GALNT2: variants seen among roughly 807,000 people sequenced by gnomAD.
The protein encoded by GALNT2 is polypeptide N-acetylgalactosaminyltransferase 2.
GALNT2 carries 31 observed loss-of-function variants against 81.4 expected under a neutral mutation model. The observed-to-expected ratio is 0.38, with a 90% CI of 0.29 to 0.51. GALNT2 has a LOEUF of 0.51. Among genes scored for constraint, GALNT2 ranks in the 20% least tolerant of loss-of-function variants. The probability of loss-of-function intolerance (pLI) is 0.87; values close to 1 mark genes in which losing one functional copy is unlikely to be tolerated. For synonymous variants in GALNT2, 303 were observed against 287.4 expected (o/e 1.05, Z -0.55); for missense variants, 629 against 765.7 (o/e 0.82, Z 2.11).
chr1:230,198,780 A>G (rs1285696142), intron 2 of GALNT2, among the ~76,000 whole-genome samples: 1 of 152,196 alleles, frequency 6.6e-6, no homozygotes, highest in Non-Finnish European at 1.5e-5. Flanking sequence ...CTTTGGTTTC[A>G]AAGACCACAT....
intron 2 of GALNT2, among the ~76,000 whole-genome samples, chr1:230,194,711 G>A (rs1386764407): frequency 6.6e-6 from 1 of 152,224 alleles, no homozygotes; most frequent in East Asian, 1.9e-4. Flanking sequence ...CAGTGCCACA[G>A]GCCTCTGGGA....
intron 14 of GALNT2, among the ~76,000 whole-genome samples, chr1:230,267,030 G>A (rs1477239645): frequency 6.7e-6 from 1 of 149,172 alleles, no homozygotes; most frequent in Non-Finnish European, 1.5e-5. Context: ...TAGCACATAT[G>A]CTCATCACGT....
chr1:230,263,288 G>C (rs1415862990), intron 13 of GALNT2: 1 of 403,146 alleles, frequency 2.5e-6, no homozygotes, highest in East Asian at 4.9e-5. Flanking sequence ...CATTGGCAAG[G>C]TGATGGGCTG....
At chr1:230,083,142 T>C (rs549532448) in intron 1 of GALNT2, among the ~76,000 whole-genome samples, 1 of 125,264 alleles carries the variant, frequency 8.0e-6, no homozygotes, top group East Asian at 2.5e-4. Context: ...GCCTAGATGA[T>C]GGAGCTGGCA....
At chr1:230,147,788 A>G (rs1661966246) in intron 1 of GALNT2, among the ~76,000 whole-genome samples, 1 of 152,122 alleles carries the variant, frequency 6.6e-6, no homozygotes, top group Non-Finnish European at 1.5e-5. Flanking sequence ...CTCCTGAGTG[A>G]GGGCCTCAGC....
chr1:230,273,312 C>T (rs11588358), intron 14 of GALNT2, among the ~76,000 whole-genome samples: 59,852 of 152,036 alleles, frequency 0.39, 12,256 homozygotes, highest in Middle Eastern at 0.48. Flanking sequence ...GTGACAGCGC[C>T]GGTGTCATAC....
At chr1:230,110,041 C>T (rs946132342) in intron 1 of GALNT2, among the ~76,000 whole-genome samples, 2 of 152,320 alleles carry the variant, frequency 1.3e-5, no homozygotes, top group South Asian at 2.1e-4. Context: ...CTGGGAGCCA[C>T]GGCGTCCTGG....
At chr1:230,264,972 CAAAAA>C (rs67239229) in intron 13 of GALNT2, 211 of 170,642 alleles carry the variant, frequency 1.2e-3, no homozygotes, top group South Asian at 1.7e-3. Flanking sequence ...CCTTCCTTTC[CAAAAA>C]AAAAAAAAAA....
Position 230,116,738 on chromosome 1 carries a change from G to A in GALNT2, c.126+49332G>A, listed in dbSNP as rs113437338. ...TTTTTTTTCCGAGCAGTCTCAACACGGACTTAAAATCTTCAGTAAACCGTG... is the reference window on the plus strand; with the variant it reads ...TTTTTTTTCCGAGCAGTCTCAACACAGACTTAAAATCTTCAGTAAACCGTG... On this transcript the variant is annotated intron_variant, in intron 1 of 15. Coordinates refer to ENST00000366672, the MANE Select transcript of GALNT2 (RefSeq NM_004481.5). 2.0e-3 allele frequency among the ~76,000 whole-genome samples: 304 copies of A among 152,192 alleles called. 1 individual carries two copies. The Middle Eastern group carries it at 0.024, about 12-fold the overall frequency.
intron 8 of GALNT2, among the ~76,000 whole-genome samples, chr1:230,248,852 A>G (rs1055070779): frequency 3.9e-5 from 6 of 152,134 alleles, no homozygotes; most frequent in African/African-American, 1.4e-4. Flanking sequence ...GCCCTTGGAC[A>G]TGCCCTGGTT....
At chr1:230,106,827 C>T (rs1660559051) in intron 1 of GALNT2, among the ~76,000 whole-genome samples, 1 of 152,154 alleles carries the variant, frequency 6.6e-6, no homozygotes, top group Admixed American at 6.5e-5. Context: ...CTCACAGGTG[C>T]CTTAGCCTGG....
intron 1 of GALNT2, among the ~76,000 whole-genome samples, chr1:230,087,905 A>G (rs1168831528): frequency 6.6e-6 from 1 of 152,188 alleles, no homozygotes; most frequent in East Asian, 1.9e-4. Context: ...CTTACTCTGG[A>G]AGCTCTGAGA....
At chr1:230,274,019 A>G (rs550526381) in intron 14 of GALNT2, among the ~76,000 whole-genome samples, 2 of 152,384 alleles carry the variant, frequency 1.3e-5, no homozygotes, top group African/African-American at 4.8e-5. Flanking sequence ...CCATACCTGC[A>G]TGAGGGCAGA....
intron 1 of GALNT2, among the ~76,000 whole-genome samples, chr1:230,137,672 A>G (rs1488561302): frequency 6.6e-6 from 1 of 152,224 alleles, no homozygotes; most frequent in African/African-American, 2.4e-5. Context: ...GCATCTTGTC[A>G]CAGCTGTGGA....
At position 230,256,401 on chromosome 1, in the gene GALNT2, G is replaced by A. The variant is rs145848217; in HGVS notation, c.1136+1057G>A. Among the ~76,000 whole-genome samples the A allele has an allele frequency of 2.2e-3, 335 of 150,464 alleles. 2 individuals carry two copies. Among genetic ancestry groups the A allele is most frequent in the African/African-American group, 7.9e-3 (324 of 40,854 alleles). On this transcript the variant is annotated intron_variant, in intron 11 of 15. Coordinates refer to ENST00000366672, the MANE Select transcript of GALNT2 (RefSeq NM_004481.5). ...GTGGAGTTTGCAGTGGGCCAAGATC[G>A]TGCCTCTGCACTCCAACCTGGGCAA...
At chr1:230,074,217 C>T (rs539744460) in intron 1 of GALNT2, among the ~76,000 whole-genome samples, 9 of 152,138 alleles carry the variant, frequency 5.9e-5, no homozygotes, top group East Asian at 1.9e-4. Context: ...CTCACCCTAC[C>T]GAGTAGCTAA....
At chr1:230,183,424 T>C (rs1265909436) in intron 2 of GALNT2, among the ~76,000 whole-genome samples, 1 of 152,218 alleles carries the variant, frequency 6.6e-6, no homozygotes, top group Non-Finnish European at 1.5e-5. Context: ...TTTCTCTCTC[T>C]TCTCAGCATA....
At chr1:230,131,010 A>T (rs1249783198) in intron 1 of GALNT2, among the ~76,000 whole-genome samples, 2 of 152,220 alleles carry the variant, frequency 1.3e-5, no homozygotes, top group Non-Finnish European at 2.9e-5. Context: ...TAAAAATTTT[A>T]AAAATTTAAG....
At chr1:230,123,475 C>T (rs925723471) in intron 1 of GALNT2, among the ~76,000 whole-genome samples, 1 of 152,036 alleles carries the variant, frequency 6.6e-6, no homozygotes, top group African/African-American at 2.4e-5. Context: ...TTCCAGGGTT[C>T]GAAAATAACT....
Sources: allele counts gnomAD v4.1 joint callset (sites outside exome capture counted in the v4.1 genomes callset), GRCh38; gene constraint gnomAD v4.1.1; transcripts MANE v1.5; gene names NCBI Gene and HGNC (gene_info 2026-07-23, HGNC 2026-07-21).